The following DAB1 variants were observed in gnomAD, a reference collection of about 807,000 sequenced individuals.
DAB1 encodes disabled homolog 1.
A neutral mutation model predicts 64.6 loss-of-function variants in DAB1; 15 were observed. The observed-to-expected ratio is 0.23, with a 90% confidence interval of 0.16 to 0.36. DAB1 has a LOEUF of 0.36. DAB1 is among the 10% of genes least tolerant of loss of function. The pLI, the probability that DAB1 is intolerant of heterozygous loss-of-function variation, is 1.00. For missense variants in DAB1, 596 were observed against 706.7 expected, an observed-to-expected ratio of 0.84 and a Z score of 1.78; for synonymous variants, 235 against 251.9, an observed-to-expected ratio of 0.93 and a Z score of 0.64.
chr1:58,159,017 G>C (rs573369141), intron 4 of DAB1, among the ~76,000 whole-genome samples: 54 of 152,272 alleles, frequency 3.5e-4, no homozygotes, highest in African/African-American at 1.2e-3. Context: ...CTTCAAAATA[G>C]AACTGGAGAC....
chr1:57,546,309 A>C (rs1644856209), intron 7 of DAB1, among the ~76,000 whole-genome samples: 1 of 152,178 alleles, frequency 6.6e-6, no homozygotes, highest in African/African-American at 2.4e-5. Flanking sequence ...CACCTAAAAA[A>C]ATATCTAAAA....
At chr1:57,513,829 A>G (rs1346663434) in intron 7 of DAB1, among the ~76,000 whole-genome samples, 2 of 152,152 alleles carry the variant, frequency 1.3e-5, no homozygotes, top group Non-Finnish European at 2.9e-5. Context: ...TTTGACCAAT[A>G]TCTCTCCAAC....
At chr1:58,002,723 A>G (rs1646525183) in intron 5 of DAB1, among the ~76,000 whole-genome samples, 1 of 152,212 alleles carries the variant, frequency 6.6e-6, no homozygotes, top group Non-Finnish European at 1.5e-5. Context: ...ACAACATTCT[A>G]AATAAACTAA....
chr1:58,107,774 G>A (rs866114334), intron 5 of DAB1, among the ~76,000 whole-genome samples: 14 of 151,818 alleles, frequency 9.2e-5, no homozygotes, highest in Admixed American at 4.6e-4. Flanking sequence ...CTGCCACCAC[G>A]CCCAGCTGAT....
intron 4 of DAB1, among the ~76,000 whole-genome samples, chr1:58,242,708 A>G (rs899594389): frequency 6.6e-6 from 1 of 152,134 alleles, no homozygotes; most frequent in African/African-American, 2.4e-5. Context: ...GAGTGAAGTC[A>G]ACTAAGAAGA....
At chr1:57,187,961 A>G (rs1663752716) in intron 2 of DAB1, among the ~76,000 whole-genome samples, 1 of 152,118 alleles carries the variant, frequency 6.6e-6, no homozygotes, top group South Asian at 2.1e-4. Context: ...AAGGAGAGAG[A>G]GGTCCTCTTT....
In DAB1 at chr1:57,547,252, C is replaced by T. The variant is rs1335928142; in HGVS notation, n.625+102340G>A. Among the ~76,000 whole-genome samples the T allele has an allele frequency of 2.7e-5, 4 of 149,474 alleles. No individual in the cohort carries two copies. In the East Asian group the frequency reaches 7.7e-4, roughly 29 times the overall value. Reference sequence around the variant, plus strand: ...CCCAACTGAAGTACTATCTTAAGAACATTAAGCATGTGTATTGGGTGAACT... The same window carrying T: ...CCCAACTGAAGTACTATCTTAAGAATATTAAGCATGTGTATTGGGTGAACT... On this transcript the variant is annotated intron_variant and non_coding_transcript_variant, in intron 7 of 20. Coordinates refer to the DAB1 transcript ENST00000485760.
chr1:58,085,069 G>T (rs1650220544), intron 5 of DAB1, among the ~76,000 whole-genome samples: 1 of 152,156 alleles, frequency 6.6e-6, no homozygotes. Flanking sequence ...CCAGTGAAAT[G>T]AAAGAATGGT....
chr1:57,754,451 C>T (rs1648698312), intron 6 of DAB1, among the ~76,000 whole-genome samples: 1 of 152,068 alleles, frequency 6.6e-6, no homozygotes, highest in Non-Finnish European at 1.5e-5. Context: ...TTTGGGAGGC[C>T]GAGGTGGGTG....
intron 3 of DAB1, among the ~76,000 whole-genome samples, chr1:58,452,989 A>G (rs1353482114): frequency 6.6e-6 from 1 of 152,258 alleles, no homozygotes; most frequent in Non-Finnish European, 1.5e-5. Flanking sequence ...TCTTTTCATA[A>G]TTACCAAACA....
intron 2 of DAB1, among the ~76,000 whole-genome samples, chr1:57,219,957 C>T (rs543042168): frequency 1.3e-5 from 2 of 152,250 alleles, no homozygotes; most frequent in Non-Finnish European, 2.9e-5. Flanking sequence ...TGTTTAAAGC[C>T]ACTAAGTCTG....
intron 4 of DAB1, among the ~76,000 whole-genome samples, chr1:58,272,723 T>C (rs955419996): frequency 3.3e-5 from 5 of 152,008 alleles, no homozygotes; most frequent in Non-Finnish European, 7.4e-5. Flanking sequence ...ATTGGGTGCA[T>C]ATATATTTAG....
chr1:57,649,001 T>C (rs188080950), intron 7 of DAB1, among the ~76,000 whole-genome samples: 56 of 152,336 alleles, frequency 3.7e-4, no homozygotes, highest in Admixed American at 2.4e-3. Context: ...GCGTTTTCAA[T>C]TGTGGATTCC....
At chr1:58,024,357 C>T (rs1646857960) in intron 5 of DAB1, among the ~76,000 whole-genome samples, 1 of 152,176 alleles carries the variant, frequency 6.6e-6, no homozygotes, top group South Asian at 2.1e-4. Flanking sequence ...TAGCTTACCT[C>T]TTTGCAGCTT....
At chr1:58,084,421 A>G (rs1262248475) in intron 5 of DAB1, 1 of 153,696 alleles carries the variant, frequency 6.5e-6, no homozygotes, top group Non-Finnish European at 1.5e-5. Context: ...TGCTACAGGG[A>G]GGAAAGGGGA....
chr1:58,054,855 G>A (rs1344852166), intron 5 of DAB1, among the ~76,000 whole-genome samples: 1 of 152,200 alleles, frequency 6.6e-6, no homozygotes, highest in African/African-American at 2.4e-5. Context: ...AGGCCCAGGA[G>A]AGGACGAAGA....
intron 6 of DAB1, among the ~76,000 whole-genome samples, chr1:57,679,306 A>C (rs1001111975): frequency 4.5e-4 from 68 of 152,312 alleles, no homozygotes; most frequent in Non-Finnish European, 1.9e-4. Context: ...TCCTCTCCAC[A>C]TCTTGAAATC....
intron 2 of DAB1, among the ~76,000 whole-genome samples, chr1:57,170,714 C>T (rs1013881138): frequency 6.6e-6 from 1 of 152,022 alleles, no homozygotes; most frequent in Admixed American, 6.6e-5. Flanking sequence ...CCTATGCACA[C>T]CTTATGTTCT....
intron 1 of DAB1, among the ~76,000 whole-genome samples, chr1:57,384,454 A>G (rs1483177228): frequency 6.6e-6 from 1 of 152,224 alleles, no homozygotes; most frequent in African/African-American, 2.4e-5. Flanking sequence ...AAGTACGCAC[A>G]TTTGTCTACC....
Sources: allele counts gnomAD v4.1 joint callset (sites outside exome capture counted in the v4.1 genomes callset), GRCh38; gene constraint gnomAD v4.1.1; transcripts MANE v1.5; gene names NCBI Gene and HGNC (gene_info 2026-07-23, HGNC 2026-07-21).